CADM2: variants seen among roughly 807,000 people sequenced by gnomAD.
CADM2 encodes the protein immunoglobulin superfamily member 4D.
Under a neutral mutation model 49.8 loss-of-function variants are expected in CADM2, and 12 were observed. That is an observed-to-expected ratio of 0.24 (90% CI 0.15 to 0.39). The LOEUF (loss-of-function observed/expected upper bound fraction) is 0.39. Ranked by LOEUF, CADM2 falls within the 10% of genes least tolerant of loss-of-function variation. CADM2 has a pLI of 1.00. For synonymous variants in CADM2, 214 were observed against 175.4 expected (o/e 1.22, Z -1.74); for missense variants, 378 against 492.3 (o/e 0.77, Z 2.20).
intron 1 of CADM2, among the ~76,000 whole-genome samples, chr3:85,082,507 G>A (rs2037204115): frequency 6.6e-6 from 1 of 152,130 alleles, no homozygotes; most frequent in South Asian, 2.1e-4. Flanking sequence ...ATTGAAAAAT[G>A]CAAAGCCCTT....
At chr3:85,087,215 T>G (rs1348343530) in intron 1 of CADM2, among the ~76,000 whole-genome samples, 2 of 152,174 alleles carry the variant, frequency 1.3e-5, no homozygotes, top group Non-Finnish European at 2.9e-5. Context: ...AGTAGTTTAC[T>G]GACTGTCTCA....
At chr3:85,512,594 T>C (rs1467952005) in intron 1 of CADM2, among the ~76,000 whole-genome samples, 1 of 152,088 alleles carries the variant, frequency 6.6e-6, no homozygotes, top group Non-Finnish European at 1.5e-5. Context: ...GAAATGCAAA[T>C]TAGAATAAAT....
At chr3:86,033,128 G>A (rs1200346218) in intron 8 of CADM2, among the ~76,000 whole-genome samples, 1 of 151,630 alleles carries the variant, frequency 6.6e-6, no homozygotes, top group Non-Finnish European at 1.5e-5. Flanking sequence ...GTACAAACAC[G>A]ATCATCTTCT....
chr3:85,551,462 A>G (rs1218855862), intron 1 of CADM2, among the ~76,000 whole-genome samples: 1 of 152,106 alleles, frequency 6.6e-6, no homozygotes, highest in Non-Finnish European at 1.5e-5. Context: ...CAGGTACCCT[A>G]AGTAGCCTTT....
intron 2 of CADM2, among the ~76,000 whole-genome samples, chr3:85,733,255 A>G (rs1396908694): frequency 6.6e-6 from 1 of 152,228 alleles, no homozygotes; most frequent in East Asian, 1.9e-4. Flanking sequence ...GCTAATGTGA[A>G]GTGCTGAACT....
chr3:85,273,738 A>T lies in CADM2; in HGVS notation c.61+314070A>T, dbSNP rs1396726193. ...ACAGCTACTGGACATTTAGATGGAA[A>T]TGTTAAATAAACTCTTGGAGGTGTA... On this transcript the variant is annotated intron_variant, in intron 1 of 9. Coordinates refer to ENST00000383699, the MANE Select transcript of CADM2 (RefSeq NM_001167675.2). 2.2e-5 allele frequency among the ~76,000 whole-genome samples: 3 copies of T among 133,672 alleles called. No homozygotes were observed. The East Asian group carries it at 5.8e-4, about 26-fold the overall frequency. The allele number at this position is 133,672 out of a possible 152,430, so 87.7% of individuals were successfully genotyped here.
At chr3:85,732,438 A>G (rs2107799323) in intron 2 of CADM2, among the ~76,000 whole-genome samples, 1 of 152,208 alleles carries the variant, frequency 6.6e-6, no homozygotes, top group African/African-American at 2.4e-5. Flanking sequence ...TTAAAAGCAT[A>G]TTGTATTTCT....
At chr3:85,745,678 C>A (rs1559628630) in intron 2 of CADM2, among the ~76,000 whole-genome samples, 1 of 152,120 alleles carries the variant, frequency 6.6e-6, no homozygotes, top group Non-Finnish European at 1.5e-5. Context: ...CCAGCCTATG[C>A]AACATTGCGA....
chr3:86,005,306 T>C (rs2106852032), intron 8 of CADM2, among the ~76,000 whole-genome samples: 1 of 152,206 alleles, frequency 6.6e-6, no homozygotes, highest in South Asian at 2.1e-4. Flanking sequence ...AATCCCAACA[T>C]CTTGGGAGGC....
At chr3:85,335,467 G>C (rs2107169589) in intron 1 of CADM2, among the ~76,000 whole-genome samples, 1 of 151,244 alleles carries the variant, frequency 6.6e-6, no homozygotes, top group Middle Eastern at 3.4e-3. Context: ...CATATTTATG[G>C]TGTACAGTGT....
chr3:85,648,574 C>T (rs1373777531), intron 1 of CADM2, among the ~76,000 whole-genome samples: 1 of 151,888 alleles, frequency 6.6e-6, no homozygotes, highest in Non-Finnish European at 1.5e-5. Flanking sequence ...TGTTTAAAAT[C>T]ATTTATTATG....
At chr3:85,793,037 C>T (rs72908522) in intron 2 of CADM2, among the ~76,000 whole-genome samples, 6,101 of 152,010 alleles carry the variant, frequency 0.04, 389 homozygotes, top group African/African-American at 0.14. Context: ...CAACAGGAGT[C>T]AAGACTCAGT....
At chr3:85,952,745 C>G (rs1723593917) in intron 7 of CADM2, among the ~76,000 whole-genome samples, 4 of 150,824 alleles carry the variant, frequency 2.7e-5, no homozygotes, top group Non-Finnish European at 5.9e-5. Flanking sequence ...TTTCAGGGCT[C>G]TTTTATTGTT....
chr3:84,991,778 CTG>C (rs2032905153), intron 1 of CADM2, among the ~76,000 whole-genome samples: 1 of 152,116 alleles, frequency 6.6e-6, no homozygotes. Flanking sequence ...AGGGGATAAA[CTG>C]TGGTTCATTC....
chr3:85,204,755 C>A (rs572877208), intron 1 of CADM2, among the ~76,000 whole-genome samples: 1 of 152,064 alleles, frequency 6.6e-6, no homozygotes, highest in South Asian at 2.1e-4. Context: ...ACATAAAATC[C>A]TATCCTGATA....
chr3:85,469,223 C>T (rs1344310548), intron 1 of CADM2, among the ~76,000 whole-genome samples: 8 of 152,022 alleles, frequency 5.3e-5, no homozygotes, highest in Non-Finnish European at 1.2e-4. Flanking sequence ...ATTTATTTAG[C>T]GACTACTCTG....
intron 1 of CADM2, among the ~76,000 whole-genome samples, chr3:85,548,506 C>T: frequency 6.6e-6 from 1 of 151,348 alleles, no homozygotes; most frequent in Non-Finnish European, 1.5e-5. Flanking sequence ...GAAAAAGAAG[C>T]CTAGAGTCCC....
chr3:85,330,641 T>G (rs1405253178), intron 1 of CADM2, among the ~76,000 whole-genome samples: 1 of 152,080 alleles, frequency 6.6e-6, no homozygotes, highest in African/African-American at 2.4e-5. Flanking sequence ...CCTAACTTAT[T>G]AACTGTTTAA....
chr3:85,989,256 G>A (rs76111719), intron 8 of CADM2, among the ~76,000 whole-genome samples: 1,619 of 152,222 alleles, frequency 0.011, 32 homozygotes, highest in East Asian at 0.06. Flanking sequence ...CAAGAGAACT[G>A]TTGGCTACAG....
Sources: gnomAD v4.1 joint callset for allele counts (sites outside exome capture counted in the v4.1 genomes callset) on GRCh38, gnomAD v4.1.1 for gene constraint, MANE v1.5 for transcripts, NCBI Gene and HGNC (gene_info 2026-07-23, HGNC 2026-07-21) for gene names.